STOX2: variants seen among roughly 807,000 people sequenced by gnomAD.
STOX2 encodes storkhead box 2, also known as storkhead-box protein 2.
In STOX2, 28 loss-of-function variants were observed where a neutral mutation model predicts 60.9. The ratio of observed to expected loss-of-function variants is 0.46; its 90% confidence interval spans 0.34 to 0.63. The LOEUF is 0.63. Ranked by LOEUF, STOX2 falls within the 30% of genes least tolerant of loss-of-function variation. The pLI, the probability that STOX2 is intolerant of heterozygous loss-of-function variation, is 0.01. For synonymous variants in STOX2, 472 were observed against 463.9 expected (o/e 1.02, Z -0.22); for missense variants, 1,024 against 1,187.7 (o/e 0.86, Z 2.03).
At chr4:183,899,374 G>C (rs1560870885) in intron 1 of STOX2, among the ~76,000 whole-genome samples, 1 of 152,368 alleles carries the variant, frequency 6.6e-6, no homozygotes, top group South Asian at 2.1e-4. Context: ...CCAAAGCTGA[G>C]ATGGGCTAAA....
intron 1 of STOX2, among the ~76,000 whole-genome samples, chr4:183,824,797 C>A (rs539896781): frequency 6.6e-6 from 1 of 152,282 alleles, no homozygotes; most frequent in Admixed American, 6.5e-5. Context: ...GCATTTAGTT[C>A]CAGCTGCTCA....
chr4:183,973,555 A>G (rs1372150163), intron 1 of STOX2, among the ~76,000 whole-genome samples: 1 of 152,246 alleles, frequency 6.6e-6, no homozygotes, highest in Non-Finnish European at 1.5e-5. Context: ...AAAAGAAAGC[A>G]ATAATTCACT....
intron 1 of STOX2, among the ~76,000 whole-genome samples, chr4:183,840,173 G>A (rs1304495290): frequency 2.0e-5 from 3 of 152,112 alleles, no homozygotes. Flanking sequence ...GTAACTTTTG[G>A]AATCAAGTCT....
At chr4:183,926,220 C>A (rs986671916) in intron 1 of STOX2, among the ~76,000 whole-genome samples, 1 of 151,800 alleles carries the variant, frequency 6.6e-6, no homozygotes, top group African/African-American at 2.4e-5. Flanking sequence ...TTAAAAAGTG[C>A]AGATTTTAAA....
intron 1 of STOX2, among the ~76,000 whole-genome samples, chr4:183,933,188 G>C (rs59778051): frequency 6.6e-6 from 1 of 151,974 alleles, no homozygotes; most frequent in South Asian, 2.1e-4. Context: ...TCTGGCTCAC[G>C]TACAACATTT....
chr4:183,952,288 T>G (rs1428141647), intron 1 of STOX2, among the ~76,000 whole-genome samples: 2 of 152,236 alleles, frequency 1.3e-5, no homozygotes, highest in Non-Finnish European at 2.9e-5. Flanking sequence ...TTATCCAGGA[T>G]TCATATACTA....
intron 1 of STOX2, among the ~76,000 whole-genome samples, chr4:183,861,695 A>G (rs909128765): frequency 6.6e-6 from 1 of 152,186 alleles, no homozygotes; most frequent in Non-Finnish European, 1.5e-5. Flanking sequence ...TGGAAGACAC[A>G]ATGCGACAAT....
chr4:183,894,020 C>T (rs1443133536), intron 1 of STOX2, among the ~76,000 whole-genome samples: 3 of 152,220 alleles, frequency 2.0e-5, no homozygotes, highest in African/African-American at 4.8e-5. Context: ...GGCACGCTGG[C>T]GTGCACCTGT....
chr4:183,817,328 G>A (rs184043729), intron 1 of STOX2, among the ~76,000 whole-genome samples: 13 of 152,332 alleles, frequency 8.5e-5, no homozygotes, highest in South Asian at 4.1e-4. Context: ...CCACACACCC[G>A]GAGGCGTGCC....
At chr4:183,817,450 A>T (rs1472099053) in intron 1 of STOX2, among the ~76,000 whole-genome samples, 1 of 152,182 alleles carries the variant, frequency 6.6e-6, no homozygotes, top group African/African-American at 2.4e-5. Context: ...CTATTTTTGG[A>T]TCGCCAGGGA....
At chr4:183,887,131 G>A (rs576963273) in intron 1 of STOX2, among the ~76,000 whole-genome samples, 1 of 152,254 alleles carries the variant, frequency 6.6e-6, no homozygotes, top group Admixed American at 6.5e-5. Flanking sequence ...TGGCGTAGTG[G>A]TGCATGCCTG....
At chr4:183,940,453 A>T (rs1412669187) in intron 1 of STOX2, among the ~76,000 whole-genome samples, 3 of 152,210 alleles carry the variant, frequency 2.0e-5, no homozygotes, top group Non-Finnish European at 2.9e-5. Context: ...TACATGCTGA[A>T]AACTGCAGAA....
At chr4:183,844,220 T>C (rs1739934681) in intron 1 of STOX2, among the ~76,000 whole-genome samples, 1 of 152,188 alleles carries the variant, frequency 6.6e-6, no homozygotes, top group South Asian at 2.1e-4. Flanking sequence ...TAACACTGTC[T>C]TGGAGAGTTC....
chr4:183,825,366 C>T lies in STOX2; in HGVS notation c.364+27311C>T, dbSNP rs964364869. ...GGTTGGGAGGAAGGTGGGCCGGGAG[C>T]GGTCAGCCTTCACACAGCTGGGCCA... On this transcript the variant is annotated intron_variant, in intron 1 of 2. Coordinates refer to the STOX2 transcript ENST00000513034. This position sits in a 1 kb window ranked among gnomAD's most constrained non-coding sequence, Gnocchi z 4.1. 4.6e-5 allele frequency among the ~76,000 whole-genome samples: 7 copies of T among 152,082 alleles called. No homozygotes were observed. The highest frequency in any genetic ancestry group is 1.0e-4 in the Non-Finnish European group (7 of 68,032).
chr4:183,851,535 A>G (rs1356831140), intron 1 of STOX2, among the ~76,000 whole-genome samples: 10 of 76,914 alleles, frequency 1.3e-4, no homozygotes, highest in Non-Finnish European at 2.4e-4. Context: ...GAGGGAAAGG[A>G]TGAGGGAAAG....
chr4:183,935,210 C>T (rs1449714241), intron 1 of STOX2, among the ~76,000 whole-genome samples: 9 of 152,224 alleles, frequency 5.9e-5, no homozygotes, highest in Non-Finnish European at 4.4e-5. Context: ...CGCTCAGGAG[C>T]GTGCATTCTG....
chr4:183,921,110 G>A (rs1350436195), intron 1 of STOX2, among the ~76,000 whole-genome samples: 1 of 152,176 alleles, frequency 6.6e-6, no homozygotes, highest in Non-Finnish European at 1.5e-5. Context: ...GAGTTAGACC[G>A]AACATTATTC....
rs1738883800 is a variant in STOX2, at chr4:183,806,168, A to G, written c.364+8113A>G. Among the ~76,000 whole-genome samples, 1 of 152,206 alleles carries G rather than the reference A, an allele frequency of 6.6e-6. No individual in the cohort carries two copies. Among genetic ancestry groups the G allele is most frequent in the African/African-American group, 2.4e-5 (1 of 41,446 alleles). On this transcript the variant is annotated intron_variant, in intron 1 of 2. Coordinates refer to the STOX2 transcript ENST00000513034. The surrounding 1 kb of genome is among the most constrained non-coding windows in gnomAD (Gnocchi z 4.1). Reference sequence around the variant, plus strand: ...TGTAGATTTCACTCTGAAGATGAAAATAAACACGATTAAAGACTCCATTTT... The same window carrying G: ...TGTAGATTTCACTCTGAAGATGAAAGTAAACACGATTAAAGACTCCATTTT...
chr4:183,844,877 G>T (rs754988954), intron 1 of STOX2, among the ~76,000 whole-genome samples: 4 of 152,160 alleles, frequency 2.6e-5, no homozygotes, highest in Non-Finnish European at 5.9e-5. Context: ...TGACCCCAAG[G>T]CTAAAATGTT....
Sources: allele counts gnomAD v4.1 joint callset (sites outside exome capture counted in the v4.1 genomes callset), GRCh38; gene constraint gnomAD v4.1.1; non-coding constraint Gnocchi (gnomAD v3.1); transcripts MANE v1.5; gene names NCBI Gene and HGNC (gene_info 2026-07-23, HGNC 2026-07-21).